FHOD3: variants seen among roughly 807,000 people sequenced by gnomAD.
FHOD3 encodes formin homology 2 domain containing 3, also known as FH1/FH2 domain-containing protein 3.
FHOD3 carries 90 observed loss-of-function variants against 173.0 expected under a neutral mutation model. The observed-to-expected ratio is 0.52, with a 90% CI of 0.44 to 0.62. FHOD3 has a LOEUF of 0.62. FHOD3 is among the 20% of genes least tolerant of loss of function. The pLI is 0.00. For missense variants in FHOD3, 1,945 were observed against 2,034.7 expected (o/e 0.96, Z 0.85); for synonymous variants, 828 against 823.0 (o/e 1.01, Z -0.10).
chr18:36,595,815 T>C (rs2030255275), intron 7 of FHOD3, among the ~76,000 whole-genome samples: 2 of 152,262 alleles, frequency 1.3e-5, no homozygotes, highest in Admixed American at 6.5e-5. Context: ...TTTTGTTGTT[T>C]GTTTTCTTCC....
chr18:36,744,533 A>G (rs1028840055), intron 23 of FHOD3, among the ~76,000 whole-genome samples: 1 of 152,250 alleles, frequency 6.6e-6, no homozygotes, highest in Non-Finnish European at 1.5e-5. Flanking sequence ...TTAGGTGGCA[A>G]CCATGTCAAA....
At chr18:36,373,425 G>A (rs1479327633) in intron 3 of FHOD3, among the ~76,000 whole-genome samples, 1 of 133,106 alleles carries the variant, frequency 7.5e-6, no homozygotes, top group Non-Finnish European at 1.6e-5. Flanking sequence ...AGATCATCCT[G>A]TTGAGTCCTA....
intron 21 of FHOD3, 25 bp from the exon 22 acceptor site, chr18:36,742,712 T>G (rs1489845715): frequency 6.2e-7 from 1 of 1,600,720 alleles, no homozygotes; most frequent in South Asian, 1.1e-5. Flanking sequence ...CACTCTTTAT[T>G]GTCTAATTTT....
intron 28 of FHOD3, among the ~76,000 whole-genome samples, chr18:36,771,488 G>GT (rs2043378606): frequency 6.6e-6 from 1 of 152,164 alleles, no homozygotes; most frequent in Non-Finnish European, 1.5e-5. Flanking sequence ...TTTGTGTATG[G>GT]TTTGTCTATA....
intron 8 of FHOD3, among the ~76,000 whole-genome samples, chr18:36,604,090 A>G (rs1021905626): frequency 6.6e-6 from 1 of 152,202 alleles, no homozygotes. Flanking sequence ...CTGCTCTGAA[A>G]CAAGGGGGCC....
chr18:36,439,386 C>T (rs577839960), intron 3 of FHOD3, among the ~76,000 whole-genome samples: 1 of 152,264 alleles, frequency 6.6e-6, no homozygotes, highest in South Asian at 2.1e-4. Context: ...CAGGATTTAG[C>T]AGAGGAGTCA....
At chr18:36,518,596 G>A (rs2056113811) in intron 5 of FHOD3, among the ~76,000 whole-genome samples, 1 of 152,202 alleles carries the variant, frequency 6.6e-6, no homozygotes, top group African/African-American at 2.4e-5. Flanking sequence ...ACCTGCAGGT[G>A]TTTTGTGTGC....
intron 3 of FHOD3, among the ~76,000 whole-genome samples, chr18:36,487,839 C>T (rs2054267063): frequency 6.6e-6 from 1 of 152,168 alleles, no homozygotes; most frequent in Non-Finnish European, 1.5e-5. Context: ...GACACACAGC[C>T]TGGAAATAAA....
At chr18:36,351,425 CTG>C (rs2046123254) in intron 1 of FHOD3, among the ~76,000 whole-genome samples, 2 of 152,202 alleles carry the variant, frequency 1.3e-5, no homozygotes, top group East Asian at 1.9e-4. Flanking sequence ...AGGGATATAA[CTG>C]AGGATGAACG....
rs557959422 is a variant in FHOD3, at chr18:36,498,727, G to A, written c.338-3205G>A. On this transcript the variant is annotated intron_variant, in intron 3 of 28. Coordinates refer to ENST00000590592, the MANE Select transcript of FHOD3 (RefSeq NM_001281740.3). ...ACCCCCAACTCACAAAATTCGCATT[G>A]TCTCAATATTAACACCATTGCAAGA... Among the ~76,000 whole-genome samples, 20 of 152,244 alleles carry A rather than the reference G, an allele frequency of 1.3e-4. No individual in the cohort carries two copies. The East Asian group carries it at 3.9e-3, about 29-fold the overall frequency.
chr18:36,359,439 C>G (rs541695152), intron 2 of FHOD3, among the ~76,000 whole-genome samples: 1 of 152,290 alleles, frequency 6.6e-6, no homozygotes, highest in African/African-American at 2.4e-5. Context: ...CCTTCTGAGG[C>G]CAGGGAAATT....
chr18:36,778,855 G>A (rs879802227), intron 28 of FHOD3: 3 of 152,348 alleles, frequency 2.0e-5, no homozygotes, highest in Non-Finnish European at 4.4e-5. Context: ...AGTACTCATG[G>A]AGAGATTTGT....
chr18:36,451,877 G>C (rs1323696582), intron 3 of FHOD3, among the ~76,000 whole-genome samples: 1 of 152,176 alleles, frequency 6.6e-6, no homozygotes. Flanking sequence ...GGGTTCTGAG[G>C]GGGGTAGTGC....
At chr18:36,481,025 T>G (rs1258467105) in intron 3 of FHOD3, among the ~76,000 whole-genome samples, 1 of 52,634 alleles carries the variant, frequency 1.9e-5, no homozygotes, top group Non-Finnish European at 4.7e-5. Context: ...AGGTGGTTTT[T>G]TTTTTTTTTT....
At chr18:36,304,072 A>G (rs1486422556) in intron 1 of FHOD3, among the ~76,000 whole-genome samples, 2 of 152,222 alleles carry the variant, frequency 1.3e-5, no homozygotes, top group East Asian at 3.8e-4. Flanking sequence ...GATTAAAGAG[A>G]TACATCAACC....
chr18:36,754,534 ATAT>A (rs2042542154), intron 24 of FHOD3, among the ~76,000 whole-genome samples: 1 of 152,058 alleles, frequency 6.6e-6, no homozygotes, highest in Non-Finnish European at 1.5e-5. Flanking sequence ...AATTAAATTA[ATAT>A]TATATATAAT....
intron 3 of FHOD3, among the ~76,000 whole-genome samples, chr18:36,497,169 AAAGG>A (rs2054788824): frequency 6.6e-6 from 1 of 152,242 alleles, no homozygotes; most frequent in South Asian, 2.1e-4. Context: ...AAATGACTAT[AAAGG>A]TTTTGTTTTG....
chr18:36,718,797 C>T, intron 19 of FHOD3, 82 bp downstream of exon 19: 1 of 1,515,438 alleles, frequency 6.6e-7, no homozygotes, highest in Non-Finnish European at 8.8e-7. Flanking sequence ...TACTATTTTG[C>T]ATTGCTTTTG....
intron 28 of FHOD3, chr18:36,779,158 C>A: frequency 2.2e-6 from 1 of 444,560 alleles, no homozygotes; most frequent in Non-Finnish European, 4.1e-6. Context: ...TGAGGGTGAG[C>A]CTCTCCTCCT....
Sources: allele counts gnomAD v4.1 joint callset (sites outside exome capture counted in the v4.1 genomes callset), GRCh38; gene constraint gnomAD v4.1.1; transcripts MANE v1.5; gene names NCBI Gene and HGNC (gene_info 2026-07-23, HGNC 2026-07-21).